Variants in WDR72 observed in about 807,000 individuals in gnomAD.
WDR72 encodes the protein WD repeat domain 72, also known as WD repeat-containing protein 72.
WDR72 carries 120 observed loss-of-function variants against 124.2 expected under a neutral mutation model. The ratio of observed to expected loss-of-function variants is 0.97; its 90% CI spans 0.83 to 1.12. The LOEUF (loss-of-function observed/expected upper bound fraction) is 1.12, where lower values mean the gene tolerates loss of function less well. Among genes scored for constraint, WDR72 ranks in the 50% most tolerant of loss-of-function variants. The pLI is 0.00. For synonymous variants in WDR72, 452 were observed against 441.7 expected, an observed-to-expected ratio of 1.02 and a Z score of -0.29; for missense variants, 1,387 against 1,278.8, an observed-to-expected ratio of 1.08 and a Z score of -1.29.
chr15:53,640,873 C>T (rs750845237), intron 14 of WDR72, among the ~76,000 whole-genome samples: 1 of 151,446 alleles, frequency 6.6e-6, no homozygotes, highest in African/African-American at 2.4e-5. Context: ...TTTGTGAGTC[C>T]CTTTATATAT....
Position 53,615,960 on chromosome 15 carries a change from C to A in WDR72, c.2246G>T (p.Ser749Ile). The change falls in exon 15 of 20, where the codon AGC becomes ATC. Residue 749 changes from serine to isoleucine, a missense_variant. Physicochemically the swap from Ser to Ile is moderately radical, Grantham distance 142 (BLOSUM62 -2). Coordinates refer to ENST00000360509, the MANE Select transcript of WDR72 (RefSeq NM_182758.4). ...GATGGTATTATCTCCTTGGGCCAGG[C>A]TTTCAGTAATAGGCTTGGCTAGTGC... ...AEALAKPITE[S>I]LAQGDNTIKF... 5.6e-6 allele frequency: 9 copies of A among 1,613,342 alleles called. No individual in the cohort carries two copies. The highest frequency in any genetic ancestry group is 6.8e-6 in the Non-Finnish European group (8 of 1,179,608).
At position 53,704,973 on chromosome 15, in the gene WDR72, A is replaced by G; in HGVS notation, c.1348+15T>C. ...AGATAAATCAAATAAATAGGGTCAA[A>G]TAAAATTCAAGGACCTTTTACTAAA... is the stretch of plus-strand genomic sequence containing the variant. On this transcript the variant is annotated intron_variant, in intron 11 of 19. Coordinates refer to ENST00000360509, the MANE Select transcript of WDR72 (RefSeq NM_182758.4). The G allele has an allele frequency of 6.2e-7, 1 of 1,613,404 alleles. No homozygotes were observed. The highest frequency in any genetic ancestry group is 1.1e-5 in the South Asian group (1 of 91,006).
intron 13 of WDR72, among the ~76,000 whole-genome samples, chr15:53,698,386 C>T (rs1164514890): frequency 6.6e-6 from 1 of 152,078 alleles, no homozygotes; most frequent in African/African-American, 2.4e-5. Flanking sequence ...GATTTACAGG[C>T]TTATATTTTA....
At chr15:53,551,662 C>T (rs147334134) in intron 18 of WDR72, among the ~76,000 whole-genome samples, 32 of 152,064 alleles carry the variant, frequency 2.1e-4, no homozygotes, top group African/African-American at 7.7e-4. Flanking sequence ...GTATAAATCA[C>T]AGAATCACTA....
chr15:53,745,114 T>C (rs565041830), intron 1 of WDR72, among the ~76,000 whole-genome samples: 1 of 151,720 alleles, frequency 6.6e-6, no homozygotes, highest in East Asian at 1.9e-4. Context: ...CCTTAGTAAC[T>C]TGCAAATATT....
intron 1 of WDR72, among the ~76,000 whole-genome samples, chr15:53,738,865 C>G (rs1366655642): frequency 6.6e-6 from 1 of 152,160 alleles, no homozygotes; most frequent in Non-Finnish European, 1.5e-5. Flanking sequence ...CCATGGCCTC[C>G]CAAAGTGCTG....
At chr15:53,529,145 C>CATATATATATATATATAT (rs34418320) in intron 18 of WDR72, among the ~76,000 whole-genome samples, 2 of 112,550 alleles carry the variant, frequency 1.8e-5, no homozygotes, top group African/African-American at 7.7e-5. Context: ...CTGTTTAGCC[C>CATATATATATATATATAT]ATATATATAT....
intron 13 of WDR72, among the ~76,000 whole-genome samples, chr15:53,691,233 T>C (rs915303184): frequency 6.6e-6 from 1 of 152,108 alleles, no homozygotes; most frequent in Non-Finnish European, 1.5e-5. Context: ...AAATTTTTTA[T>C]AGAGATGGGA....
At chr15:53,745,986 G>A (rs1207031592) in intron 1 of WDR72, among the ~76,000 whole-genome samples, 1 of 151,986 alleles carries the variant, frequency 6.6e-6, no homozygotes, top group African/African-American at 2.4e-5. Context: ...AAATTCCTTC[G>A]TTATTTTGGT....
In WDR72 at chr15:53,597,211, T is replaced by C; in HGVS notation, c.3016A>G (p.Lys1006Glu). 1.2e-6 allele frequency: 2 copies of C among 1,613,892 alleles called. No homozygotes were observed. The highest frequency in any genetic ancestry group is 1.7e-6 in the Non-Finnish European group (2 of 1,179,872). Residue 1006 changes from lysine to glutamate, a missense_variant, in exon 18 of 20, where the codon AAG becomes GAG. Lys to Glu is a moderately conservative substitution (Grantham distance 56). Coordinates refer to ENST00000360509, the MANE Select transcript of WDR72 (RefSeq NM_182758.4). Reference sequence around the variant, plus strand: ...ACTGGTTGACTATTGACGGGTATCTTTCCCAAACTCTTCATGTGTTGTTGA... The same window carrying C: ...ACTGGTTGACTATTGACGGGTATCTCTCCCAAACTCTTCATGTGTTGTTGA... ...EVQQHMKSLG[K>E]IPVNSQPVSM...
chr15:53,529,177 TTTTTA>T (rs1364534708), intron 18 of WDR72, among the ~76,000 whole-genome samples: 5 of 139,986 alleles, frequency 3.6e-5, no homozygotes, highest in South Asian at 2.2e-4. Flanking sequence ...TTTTTTTTTT[TTTTTA>T]AAAGAATATA....
chr15:53,633,865 G>A (rs1387630758), intron 14 of WDR72, among the ~76,000 whole-genome samples: 1 of 152,106 alleles, frequency 6.6e-6, no homozygotes, highest in African/African-American at 2.4e-5. Context: ...ACCCTTGTGT[G>A]TACACAAACA....
chr15:53,596,955 G>T, intron 18 of WDR72, 124 bp downstream of exon 18: 1 of 923,948 alleles, frequency 1.1e-6, no homozygotes, highest in Non-Finnish European at 1.7e-6. Flanking sequence ...GGAGACTAGT[G>T]AATGTCTATC....
chr15:53,745,730 C>T (rs2018627962), intron 1 of WDR72, among the ~76,000 whole-genome samples: 1 of 152,154 alleles, frequency 6.6e-6, no homozygotes, highest in Admixed American at 6.5e-5. Context: ...AGTAGGGTCT[C>T]TGGTATCTCT....
intron 13 of WDR72, among the ~76,000 whole-genome samples, chr15:53,688,237 A>T (rs1329799840): frequency 6.7e-6 from 1 of 149,828 alleles, no homozygotes; most frequent in Admixed American, 6.6e-5. Flanking sequence ...AGAAGGAAAG[A>T]AAGGGTATTC....
At chr15:53,682,523 T>C (rs967471468) in intron 13 of WDR72, among the ~76,000 whole-genome samples, 2 of 152,126 alleles carry the variant, frequency 1.3e-5, no homozygotes, top group African/African-American at 4.8e-5. Context: ...GATTTTTTTT[T>C]CCCACCATCT....
chr15:53,751,744 A>G (rs555061443), intron 1 of WDR72, among the ~76,000 whole-genome samples: 3 of 152,280 alleles, frequency 2.0e-5, no homozygotes, highest in East Asian at 1.9e-4. Flanking sequence ...TATTGCACCC[A>G]GCCGTAATGA....
chr15:53,539,403 G>A (rs762594677), intron 18 of WDR72, among the ~76,000 whole-genome samples: 1 of 152,088 alleles, frequency 6.6e-6, no homozygotes. Context: ...AAATGCAGGT[G>A]ATCAGAGGGA....
intron 2 of WDR72, among the ~76,000 whole-genome samples, chr15:53,730,653 AC>A (rs1285277881): frequency 1.7e-4 from 26 of 152,054 alleles, no homozygotes; most frequent in Non-Finnish European, 1.6e-4. Context: ...TCTTCTTCCT[AC>A]CATCCTCTCC....
Sources: allele counts gnomAD v4.1 joint callset (sites outside exome capture counted in the v4.1 genomes callset), GRCh38; gene constraint gnomAD v4.1.1; transcripts MANE v1.5; gene names NCBI Gene and HGNC (gene_info 2026-07-23, HGNC 2026-07-21).